Variants in KAT6B observed in about 807,000 individuals in gnomAD.
KAT6B encodes histone acetyltransferase KAT6B.
Under a neutral mutation model 187.5 loss-of-function variants are expected in KAT6B, and 10 were observed. That is an observed-to-expected ratio of 0.05 (90% confidence interval 0.03 to 0.09). The LOEUF (loss-of-function observed/expected upper bound fraction) is 0.09, where lower values mean the gene tolerates loss of function less well. KAT6B is among the 10% of genes least tolerant of loss of function. KAT6B has a pLI of 1.00. For missense variants in KAT6B, 1,952 were observed against 2,558.9 expected, an observed-to-expected ratio of 0.76 and a Z score of 5.12; for synonymous variants, 861 against 926.8, an observed-to-expected ratio of 0.93 and a Z score of 1.29.
chr10:75,031,129 A>G lies in KAT6B; in HGVS notation c.*83A>G. The G allele has an allele frequency of 2.0e-6, 3 of 1,503,416 alleles. No homozygotes were observed. The East Asian group carries it at 7.2e-5, about 36-fold the overall frequency. 93.1% of individuals were successfully genotyped at this position (1,503,416 alleles called of 1,614,324 possible). On this transcript the variant is annotated 3_prime_UTR_variant, in exon 18 of 18. Coordinates refer to ENST00000287239, the MANE Select transcript of KAT6B (RefSeq NM_012330.4). ...ATACCTTTGAAGAGTACGATTTCAA[A>G]ACCAGCAATTGGTGTGAATGCAAAA... is the stretch of plus-strand genomic sequence containing the variant.
chr10:74,832,533 C>A (rs914664309), intron 1 of KAT6B, among the ~76,000 whole-genome samples: 19 of 152,012 alleles, frequency 1.2e-4, no homozygotes, highest in African/African-American at 4.1e-4. Context: ...TAGAGTTTTG[C>A]TCTTGTTGCC....
intron 6 of KAT6B, among the ~76,000 whole-genome samples, 172 bp from the exon 7 acceptor site, chr10:74,972,335 T>G (rs1444638895): frequency 6.6e-6 from 1 of 152,138 alleles, no homozygotes; most frequent in Non-Finnish European, 1.5e-5. Context: ...CCAGGGAAAT[T>G]GACCTTAGTG....
intron 13 of KAT6B, among the ~76,000 whole-genome samples, chr10:74,989,643 G>T (rs1469031478): frequency 6.6e-6 from 1 of 152,016 alleles, no homozygotes; most frequent in Non-Finnish European, 1.5e-5. Flanking sequence ...TACAGTGTTT[G>T]TATCTAGAGG....
chr10:74,984,743 G>A, intron 11 of KAT6B: 1 of 325,898 alleles, frequency 3.1e-6, no homozygotes, highest in East Asian at 7.6e-5. Flanking sequence ...GATTTATTCG[G>A]TTCAGATAGA....
chr10:74,863,905 C>T (rs1037107765), intron 3 of KAT6B, among the ~76,000 whole-genome samples: 4 of 152,138 alleles, frequency 2.6e-5, no homozygotes, highest in African/African-American at 4.8e-5. Context: ...TGACTTCTTG[C>T]GAGTGTAGAT....
At chr10:74,881,946 C>G (rs1319324798) in intron 3 of KAT6B, among the ~76,000 whole-genome samples, 1 of 152,224 alleles carries the variant, frequency 6.6e-6, no homozygotes, top group African/African-American at 2.4e-5. Flanking sequence ...CGTGAACCAC[C>G]ACACTTGGCT....
chr10:74,856,764 G>T lies in KAT6B; in HGVS notation c.621+13286G>T, dbSNP rs1348369578. Reference sequence around the variant, plus strand: ...AAATACAAAAAAATCAGCTGGGCGTGGTGGCATGTGCCTGTAGTCCCAGCT... The same window carrying T: ...AAATACAAAAAAATCAGCTGGGCGTTGTGGCATGTGCCTGTAGTCCCAGCT... On this transcript the variant is annotated intron_variant, in intron 3 of 17. Coordinates refer to ENST00000287239, the MANE Select transcript of KAT6B (RefSeq NM_012330.4). 4.6e-5 allele frequency among the ~76,000 whole-genome samples: 7 copies of T among 152,210 alleles called. No homozygotes were observed. In the East Asian group the frequency reaches 1.4e-3, roughly 29 times the overall value.
At chr10:74,839,145 C>T (rs1403776515) in intron 2 of KAT6B, among the ~76,000 whole-genome samples, 1 of 149,938 alleles carries the variant, frequency 6.7e-6, no homozygotes, top group Non-Finnish European at 1.5e-5. Context: ...AAGAGCAAGA[C>T]TCTGTGCCCC....
intron 13 of KAT6B, among the ~76,000 whole-genome samples, chr10:75,002,133 C>T (rs1397913990): frequency 6.6e-6 from 1 of 152,136 alleles, no homozygotes; most frequent in African/African-American, 2.4e-5. Flanking sequence ...GTGCCTGTCA[C>T]CTCACCTCTA....
chr10:74,955,947 AG>A (rs1043580413), intron 3 of KAT6B, among the ~76,000 whole-genome samples: 15 of 151,994 alleles, frequency 9.9e-5, no homozygotes, highest in Non-Finnish European at 2.2e-4. Flanking sequence ...TTTGAGAAAC[AG>A]GGTCTTGCTC....
At chr10:74,869,662 G>A (rs894301815) in intron 3 of KAT6B, among the ~76,000 whole-genome samples, 12 of 152,202 alleles carry the variant, frequency 7.9e-5, no homozygotes, top group South Asian at 6.2e-4. Flanking sequence ...TTTATAATTC[G>A]AACAAAGGAC....
intron 3 of KAT6B, among the ~76,000 whole-genome samples, chr10:74,901,834 T>C (rs1846416449): frequency 6.6e-6 from 1 of 152,192 alleles, no homozygotes; most frequent in Non-Finnish European, 1.5e-5. Context: ...TTAAAAACTT[T>C]TATTTTAATT....
chr10:74,830,646 A>G (rs1203907756), intron 1 of KAT6B, among the ~76,000 whole-genome samples: 1 of 141,814 alleles, frequency 7.1e-6, no homozygotes, highest in Non-Finnish European at 1.5e-5. Flanking sequence ...GCCCTCTCCA[A>G]TCTCAGCCTT....
At position 74,846,280 on chromosome 10, in the gene KAT6B, G is replaced by A. The variant is rs571020718; in HGVS notation, c.621+2802G>A. ...TCTAGTTCTCTGTGGCAGAATGTGG[G>A]CATAAAGAAAGAAGTAAAGTTATGA... On this transcript the variant is annotated intron_variant, in intron 3 of 17. Coordinates refer to ENST00000287239, the MANE Select transcript of KAT6B (RefSeq NM_012330.4). 2.6e-5 allele frequency among the ~76,000 whole-genome samples: 4 copies of A among 152,040 alleles called. No homozygotes were observed. The South Asian group carries it at 6.3e-4, about 24-fold the overall frequency.
intron 4 of KAT6B, among the ~76,000 whole-genome samples, chr10:74,967,591 C>T (rs1841568518): frequency 6.6e-6 from 1 of 152,080 alleles, no homozygotes; most frequent in Non-Finnish European, 1.5e-5. Flanking sequence ...GATCTATGGC[C>T]AATTCTCTTG....
intron 1 of KAT6B, among the ~76,000 whole-genome samples, chr10:74,836,584 C>G (rs1226541475): frequency 3.3e-5 from 5 of 152,170 alleles, no homozygotes. Flanking sequence ...GCATTGATTT[C>G]AGAGGAAATA....
chr10:74,931,735 T>C lies in KAT6B; in HGVS notation c.622-28235T>C, dbSNP rs185997664. 3.3e-5 allele frequency among the ~76,000 whole-genome samples: 5 copies of C among 152,260 alleles called. No homozygotes were observed. In the East Asian group the frequency reaches 9.7e-4, roughly 29 times the overall value. ...ATTGAAGAAAGCAAGAAATGTGTGT[T>C]TGCGGGATTCTGTTGCTCAGGCTGG... On this transcript the variant is annotated intron_variant, in intron 3 of 17. Transcript: ENST00000287239.
chr10:74,838,431 A>C (rs1362150695), intron 1 of KAT6B, among the ~76,000 whole-genome samples: 1 of 152,158 alleles, frequency 6.6e-6, no homozygotes, highest in Non-Finnish European at 1.5e-5. Context: ...TTAAAATTTG[A>C]ACAGGTCTGG....
chr10:74,951,706 G>A (rs1006243692), intron 3 of KAT6B, among the ~76,000 whole-genome samples: 3 of 152,184 alleles, frequency 2.0e-5, no homozygotes, highest in Non-Finnish European at 1.5e-5. Flanking sequence ...AAACATAAAT[G>A]TCGTTTATTA....
Sources: allele counts gnomAD v4.1 joint callset (sites outside exome capture counted in the v4.1 genomes callset), GRCh38; gene constraint gnomAD v4.1.1; transcripts MANE v1.5; gene names NCBI Gene and HGNC (gene_info 2026-07-23, HGNC 2026-07-21).